Variants in MARCHF1 observed in about 807,000 individuals in gnomAD.
The protein encoded by MARCHF1 is membrane associated ring-CH-type finger 1, also known as E3 ubiquitin-protein ligase MARCHF1.
A neutral mutation model predicts 54.2 loss-of-function variants in MARCHF1; 40 were observed. The ratio of observed to expected loss-of-function variants is 0.74; its 90% CI spans 0.57 to 0.96. MARCHF1 has a LOEUF of 0.96. Among genes scored for constraint, MARCHF1 ranks in the 40% least tolerant of loss-of-function variants. The probability of loss-of-function intolerance (pLI) is 0.00; values close to 1 mark genes in which losing one functional copy is unlikely to be tolerated. For synonymous variants in MARCHF1, 236 were observed against 236.3 expected (o/e 1.00, Z 0.01); for missense variants, 586 against 656.5 (o/e 0.89, Z 1.17).
At chr4:164,100,170 A>G (rs1289107642) in intron 2 of MARCHF1, among the ~76,000 whole-genome samples, 1 of 152,228 alleles carries the variant, frequency 6.6e-6, no homozygotes, top group African/African-American at 2.4e-5. Flanking sequence ...AAATAATGAA[A>G]CTTTCACAAC....
chr4:164,344,436 G>A (rs764080429), intron 1 of MARCHF1, among the ~76,000 whole-genome samples: 6 of 150,922 alleles, frequency 4.0e-5, no homozygotes, highest in Non-Finnish European at 8.8e-5. Context: ...AAGAATATGT[G>A]TGTTTGTGCA....
intron 1 of MARCHF1, among the ~76,000 whole-genome samples, chr4:164,266,239 G>C (rs1014653052): frequency 6.6e-6 from 1 of 152,194 alleles, no homozygotes; most frequent in African/African-American, 2.4e-5. Context: ...TACAGGTCTT[G>C]ATAGGTCTCT....
At chr4:163,937,130 C>G (rs1355167352) in intron 3 of MARCHF1, among the ~76,000 whole-genome samples, 1 of 152,150 alleles carries the variant, frequency 6.6e-6, no homozygotes, top group Admixed American at 6.6e-5. Flanking sequence ...ATTTCAGTTA[C>G]AGTCCCACTG....
At chr4:164,285,871 A>G (rs1019632316) in intron 1 of MARCHF1, among the ~76,000 whole-genome samples, 1 of 151,716 alleles carries the variant, frequency 6.6e-6, no homozygotes, top group African/African-American at 2.4e-5. Context: ...ATTGTATGAA[A>G]TAAAAATTAA....
At chr4:163,695,550 G>T (rs1744601524) in intron 5 of MARCHF1, among the ~76,000 whole-genome samples, 1 of 152,162 alleles carries the variant, frequency 6.6e-6, no homozygotes. Context: ...TCATGTAAAT[G>T]AAGTCTAGTG....
intron 4 of MARCHF1, among the ~76,000 whole-genome samples, chr4:163,748,284 A>G (rs1216319422): frequency 6.6e-6 from 1 of 152,090 alleles, no homozygotes; most frequent in Non-Finnish European, 1.5e-5. Flanking sequence ...CCCACAGATG[A>G]CTGAGTGAGA....
At chr4:163,646,381 C>T (rs1406056731) in intron 5 of MARCHF1, among the ~76,000 whole-genome samples, 1 of 151,874 alleles carries the variant, frequency 6.6e-6, no homozygotes, top group Non-Finnish European at 1.5e-5. Flanking sequence ...ATCAAAAATG[C>T]CAAAGGAAGT....
chr4:164,265,147 T>C (rs867026050), intron 1 of MARCHF1, among the ~76,000 whole-genome samples: 41 of 152,276 alleles, frequency 2.7e-4, no homozygotes, highest in African/African-American at 9.6e-4. Context: ...ATATAAAGTA[T>C]AAATTTGTGA....
intron 4 of MARCHF1, among the ~76,000 whole-genome samples, chr4:163,844,931 G>A (rs1253877109): frequency 6.6e-6 from 1 of 152,148 alleles, no homozygotes; most frequent in African/African-American, 2.4e-5. Context: ...TCATGTAACT[G>A]TCTATCAACT....
chr4:163,683,571 GA>G (rs972001893), intron 5 of MARCHF1, among the ~76,000 whole-genome samples: 1 of 151,762 alleles, frequency 6.6e-6, no homozygotes, highest in Non-Finnish European at 1.5e-5. Context: ...GCAGAATGAA[GA>G]AAAAAAACTA....
chr4:164,063,118 C>G (rs924934978), intron 2 of MARCHF1, among the ~76,000 whole-genome samples: 2 of 152,290 alleles, frequency 1.3e-5, no homozygotes, highest in Non-Finnish European at 2.9e-5. Flanking sequence ...TTATAGAACA[C>G]AGGCAGAGTA....
chr4:163,862,614 A>C (rs1722449134), intron 3 of MARCHF1, among the ~76,000 whole-genome samples: 1 of 152,064 alleles, frequency 6.6e-6, no homozygotes, highest in Non-Finnish European at 1.5e-5. Context: ...GGGAATACAA[A>C]ATAGTACAGC....
intron 2 of MARCHF1, among the ~76,000 whole-genome samples, chr4:163,991,395 T>C (rs1483327645): frequency 6.6e-6 from 1 of 152,176 alleles, no homozygotes; most frequent in Non-Finnish European, 1.5e-5. Context: ...TCAGCTAATA[T>C]CAATGTCTTG....
chr4:164,197,133 TTCC>T (rs374180838), intron 1 of MARCHF1: 3,314 of 1,408,464 alleles, frequency 2.4e-3, no homozygotes, highest in Non-Finnish European at 2.6e-3. Context: ...CCTCTTCACC[TTCC>T]TCCTCCTCCT....
intron 2 of MARCHF1, among the ~76,000 whole-genome samples, chr4:164,030,563 T>A (rs895011191): frequency 6.6e-6 from 1 of 152,164 alleles, no homozygotes; most frequent in African/African-American, 2.4e-5. Flanking sequence ...ATGACATATA[T>A]GAGGGTGATC....
In MARCHF1 at chr4:163,928,288, C is replaced by T. The variant is rs541569739; in HGVS notation, c.-39+60213G>A. On this transcript the variant is annotated intron_variant, in intron 3 of 9. Transcript: ENST00000514618. ...AAGGGATTAAAATAAAACAACACAT[C>T]AACATAGTGCCTTTGATTGAAGATG... Among the ~76,000 whole-genome samples the T allele has an allele frequency of 1.1e-4, 16 of 151,932 alleles. No individual in the cohort carries two copies. In the East Asian group the frequency reaches 3.1e-3, roughly 29 times the overall value.
chr4:163,852,322 A>C (rs994713204), intron 4 of MARCHF1, among the ~76,000 whole-genome samples: 4 of 152,124 alleles, frequency 2.6e-5, no homozygotes, highest in African/African-American at 9.7e-5. Context: ...CAGTCCAAAA[A>C]TTTGCTCACA....
chr4:164,112,165 G>T (rs910176298), intron 1 of MARCHF1, among the ~76,000 whole-genome samples: 1 of 151,840 alleles, frequency 6.6e-6, no homozygotes, highest in Admixed American at 6.6e-5. Context: ...TGAAGGATAA[G>T]CAACAGCTTC....
intron 3 of MARCHF1, among the ~76,000 whole-genome samples, chr4:163,875,350 G>A (rs1251953825): frequency 6.6e-6 from 1 of 152,088 alleles, no homozygotes; most frequent in Non-Finnish European, 1.5e-5. Context: ...GGTCATCGAT[G>A]TGAAAAGGCA....
Sources: allele counts gnomAD v4.1 joint callset (sites outside exome capture counted in the v4.1 genomes callset), GRCh38; gene constraint gnomAD v4.1.1; transcripts MANE v1.5; gene names NCBI Gene and HGNC (gene_info 2026-07-23, HGNC 2026-07-21).